The following PTPRO variants were observed in gnomAD, a reference collection of about 807,000 sequenced individuals.
PTPRO encodes the protein receptor-type tyrosine-protein phosphatase O.
In PTPRO, 62 loss-of-function variants were observed where a neutral mutation model predicts 145.2. The observed-to-expected ratio is 0.43, with a 90% CI of 0.35 to 0.53. The LOEUF (loss-of-function observed/expected upper bound fraction) is 0.53. Ranked by LOEUF, PTPRO falls within the 20% of genes least tolerant of loss-of-function variation. The probability of loss-of-function intolerance (pLI) is 0.01; values close to 1 mark genes in which losing one functional copy is unlikely to be tolerated. For synonymous variants in PTPRO, 565 were observed against 514.7 expected (o/e 1.10, Z -1.32); for missense variants, 1,345 against 1,482.7 (o/e 0.91, Z 1.53).
chr12:15,484,154 G>A lies in PTPRO; in HGVS notation c.256G>A (p.Ala86Thr). The A allele has an allele frequency of 1.2e-6, 2 of 1,613,688 alleles. No homozygotes were observed. The highest frequency in any genetic ancestry group is 1.7e-6 in the Non-Finnish European group (2 of 1,179,762). ...TTTGCCTCCTCCTGTTATTTTCAAG[G>A]CCAGTTATCATGGCCTTTATTATAT... ...STLPPPVIFK[A>T]SYHGLYYIIT... The change falls in exon 2 of 27, where the codon GCC becomes ACC. Residue 86 changes from alanine (A) to threonine (T), a missense_variant. Around this residue, in one of 3 missense-constraint regions of PTPRO, gnomAD observed 1,130 missense variants for 1,214.7 expected, o/e 0.93. Transcript: ENST00000281171.
chr12:15,524,731 C>T, intron 10 of PTPRO, 83 bp from the exon 11 acceptor site: 1 of 1,442,062 alleles, frequency 6.9e-7, no homozygotes, highest in Non-Finnish European at 9.7e-7. Flanking sequence ...TAAGTTGACT[C>T]TATATGGGAT....
chr12:15,500,814 C>T (rs146743115), intron 4 of PTPRO, among the ~76,000 whole-genome samples: 2 of 152,004 alleles, frequency 1.3e-5, no homozygotes, highest in East Asian at 1.9e-4. Flanking sequence ...CCCAGCTACT[C>T]GGGAGACTGA....
Position 15,483,971 on chromosome 12 carries a change from C to T in PTPRO, c.76-3C>T, listed in dbSNP as rs768611000. ...TCTCTTTTTATTCTGTTTCATTCAACAGAATGCTACAGCTTTCCATGTAAC... is the reference window on the plus strand; with the variant it reads ...TCTCTTTTTATTCTGTTTCATTCAATAGAATGCTACAGCTTTCCATGTAAC... On this transcript the variant is annotated splice_polypyrimidine_tract_variant and splice_region_variant and intron_variant, in intron 1 of 26. Coordinates refer to ENST00000281171, the MANE Select transcript of PTPRO (RefSeq NM_030667.3). The T allele has an allele frequency of 1.9e-6, 3 of 1,612,758 alleles. No homozygotes were observed. Among genetic ancestry groups the T allele is most frequent in the Non-Finnish European group, 2.5e-6 (3 of 1,178,974 alleles).
At chr12:15,560,863 C>G (rs1943755217) in intron 17 of PTPRO, among the ~76,000 whole-genome samples, 1 of 152,058 alleles carries the variant, frequency 6.6e-6, no homozygotes, top group Admixed American at 6.6e-5. Flanking sequence ...GCACATTCCA[C>G]TATGTACAGA....
At chr12:15,392,720 CAAAAAAAAAAA>C (rs1177789187) in intron 1 of PTPRO, among the ~76,000 whole-genome samples, 2 of 66,686 alleles carry the variant, frequency 3.0e-5, no homozygotes, top group Admixed American at 1.9e-4. Flanking sequence ...GACCCTGTCT[CAAAAAAAAAAA>C]AAAAAAAAAA....
chr12:15,427,263 A>G (rs922437681), intron 1 of PTPRO, among the ~76,000 whole-genome samples: 2 of 152,004 alleles, frequency 1.3e-5, no homozygotes, highest in Admixed American at 1.3e-4. Context: ...TATTAAATGT[A>G]TATATTTTTG....
Position 15,508,651 on chromosome 12 carries a change from T to G in PTPRO, c.1348T>G (p.Leu450Val). ...SVHVLSSTTA[L>V]MSWTSSQENY... The stretch of plus-strand genomic sequence containing the variant: ...CCACGTTTTAAGCTCAACCACTGCC[T>G]TGATGTCCTGGACATCTTCCCAAGA... Residue 450 changes from leucine (L) to valine (V), a missense_variant, in exon 7 of 27, where the codon TTG becomes GTG. Coordinates refer to ENST00000281171, the MANE Select transcript of PTPRO (RefSeq NM_030667.3). 6.2e-7 allele frequency: 1 copy of G among 1,614,104 alleles called. No homozygotes were observed. The highest frequency in any genetic ancestry group is 8.5e-7 in the Non-Finnish European group (1 of 1,179,984).
chr12:15,480,564 C>T (rs146458815), intron 1 of PTPRO, among the ~76,000 whole-genome samples: 1 of 152,058 alleles, frequency 6.6e-6, no homozygotes, highest in Non-Finnish European at 1.5e-5. Flanking sequence ...CTTTAGGACC[C>T]CCTCCTTTTC....
intron 24 of PTPRO, among the ~76,000 whole-genome samples, chr12:15,587,575 G>A (rs138975857): frequency 3.3e-5 from 5 of 152,116 alleles, no homozygotes. Flanking sequence ...ATTCCTCTTC[G>A]GGATTGTCTC....
At chr12:15,495,490 A>G (rs113620683) in intron 2 of PTPRO, among the ~76,000 whole-genome samples, 2,902 of 151,832 alleles carry the variant, frequency 0.019, 50 homozygotes, top group Non-Finnish European at 0.028. Context: ...AACTAAGGAC[A>G]TTTCTTTAGG....
chr12:15,430,162 A>G (rs1838209911), intron 1 of PTPRO, among the ~76,000 whole-genome samples: 1 of 151,886 alleles, frequency 6.6e-6, no homozygotes, highest in Non-Finnish European at 1.5e-5. Flanking sequence ...GTTTTTGCAC[A>G]TAGGTAGTTG....
chr12:15,548,308 G>A (rs1389084067), intron 13 of PTPRO, among the ~76,000 whole-genome samples: 7 of 152,254 alleles, frequency 4.6e-5, no homozygotes, highest in Admixed American at 3.9e-4. Flanking sequence ...TAGGGAGGCA[G>A]GCATTGTCAC....
intron 1 of PTPRO, among the ~76,000 whole-genome samples, chr12:15,330,870 G>A (rs980533539): frequency 6.6e-6 from 1 of 152,114 alleles, no homozygotes; most frequent in African/African-American, 2.4e-5. Context: ...TTCATTCTCT[G>A]GGATTTTCTT....
intron 1 of PTPRO, among the ~76,000 whole-genome samples, chr12:15,351,704 C>T (rs1435624364): frequency 1.3e-5 from 2 of 151,972 alleles, no homozygotes; most frequent in East Asian, 3.9e-4. Flanking sequence ...CTGAATTTTC[C>T]CACTATGAAC....
chr12:15,484,334 G>C, intron 2 of PTPRO, 87 bp downstream of exon 2: 2 of 1,498,734 alleles, frequency 1.3e-6, no homozygotes, highest in Non-Finnish European at 9.2e-7. Context: ...ACTCCACCCA[G>C]AATGGCAAAA....
At chr12:15,486,271 C>T (rs1388798886) in intron 2 of PTPRO, among the ~76,000 whole-genome samples, 1 of 152,148 alleles carries the variant, frequency 6.6e-6, no homozygotes, top group Non-Finnish European at 1.5e-5. Flanking sequence ...GATAAACTGA[C>T]CCTTTTGACT....
In PTPRO at chr12:15,369,761, C is replaced by T. The variant is rs144166124; in HGVS notation, c.75+46960C>T. The stretch of plus-strand genomic sequence containing the variant: ...AGGCATATCAATCAACAACAAAAAA[C>T]GTATTTCTGGCTGGGCATGGTGGCT... On this transcript the variant is annotated intron_variant, in intron 1 of 26. Coordinates refer to ENST00000281171, the MANE Select transcript of PTPRO (RefSeq NM_030667.3). 9.9e-5 allele frequency among the ~76,000 whole-genome samples: 15 copies of T among 151,996 alleles called. No individual in the cohort carries two copies. In the East Asian group the frequency reaches 2.9e-3, roughly 29 times the overall value.
rs1173015321 is a variant in PTPRO, at chr12:15,583,424, A to G, written c.3255+1623A>G. On this transcript the variant is annotated intron_variant, in intron 23 of 26. Transcript: ENST00000281171. Reference sequence around the variant, plus strand: ...AGCCCCGTAGGTGGAGGTTGCAGTGAGCCAAGATTGTGCCACTACACTTCA... The same window carrying G: ...AGCCCCGTAGGTGGAGGTTGCAGTGGGCCAAGATTGTGCCACTACACTTCA... Among the ~76,000 whole-genome samples the G allele has an allele frequency of 3.3e-5, 5 of 152,120 alleles. No individual in the cohort carries two copies. The East Asian group carries it at 9.7e-4, about 29-fold the overall frequency.
intron 1 of PTPRO, among the ~76,000 whole-genome samples, chr12:15,431,225 C>T (rs1411000333): frequency 6.6e-6 from 1 of 152,150 alleles, no homozygotes; most frequent in Non-Finnish European, 1.5e-5. Flanking sequence ...ACATGTGTCC[C>T]ACCCTAACTT....
Sources: allele counts gnomAD v4.1 joint callset (sites outside exome capture counted in the v4.1 genomes callset), GRCh38; gene constraint gnomAD v4.1.1; regional missense constraint gnomAD v4.1.1; transcripts MANE v1.5; gene names NCBI Gene and HGNC (gene_info 2026-07-23, HGNC 2026-07-21).